Variants in MORC1 observed in about 807,000 individuals in gnomAD.
MORC1 encodes the protein MORC family CW-type zinc finger 1.
MORC1 carries 59 observed loss-of-function variants against 134.9 expected under a neutral mutation model. The ratio of observed to expected loss-of-function variants is 0.44; its 90% CI spans 0.35 to 0.54. MORC1 has a LOEUF of 0.54. Ranked by LOEUF, MORC1 falls within the 20% of genes least tolerant of loss-of-function variation. The probability of loss-of-function intolerance (pLI) is 0.00; values close to 1 mark genes in which losing one functional copy is unlikely to be tolerated. For missense variants in MORC1, 947 were observed against 1,134.5 expected (o/e 0.83, Z 2.37); for synonymous variants, 395 against 391.7 (o/e 1.01, Z -0.10).
intron 26 of MORC1, among the ~76,000 whole-genome samples, chr3:108,966,361 C>T (rs1277299697): frequency 3.3e-5 from 5 of 152,090 alleles, no homozygotes; most frequent in Non-Finnish European, 7.4e-5. Context: ...GTAAGGAAGG[C>T]CTACAACATC....
chr3:109,007,969 A>G lies in MORC1; in HGVS notation c.1705-878T>C, dbSNP rs138479388. ...TGTGTGTGTGTGTGTGTGTGTATAC[A>G]TATATATACAAATTTTTCCCACTTT... On this transcript the variant is annotated intron_variant, in intron 17 of 27. Transcript: ENST00000232603. Among the ~76,000 whole-genome samples the G allele has an allele frequency of 5.5e-3, 752 of 136,132 alleles. 6 individuals are homozygous for G. The highest frequency in any genetic ancestry group is 0.016 in the African/African-American group (608 of 38,974). 89.3% of individuals were successfully genotyped at this position (136,132 alleles called of 152,430 possible).
At chr3:109,096,799 C>A (rs1232709578) in intron 6 of MORC1, among the ~76,000 whole-genome samples, 1 of 152,116 alleles carries the variant, frequency 6.6e-6, no homozygotes, top group Non-Finnish European at 1.5e-5. Context: ...GGTCCAAGAA[C>A]TCTCTCTTGG....
At chr3:108,982,620 A>G (rs2107454926) in intron 23 of MORC1, among the ~76,000 whole-genome samples, 1 of 151,708 alleles carries the variant, frequency 6.6e-6, no homozygotes, top group African/African-American at 2.4e-5. Context: ...TAGGAGAAAT[A>G]CCTAACATAA....
In MORC1 at chr3:109,006,753, C is replaced by G. The variant is rs145279536; in HGVS notation, c.1767+276G>C. 1.1e-3 allele frequency among the ~76,000 whole-genome samples: 163 copies of G among 152,024 alleles called. 2 individuals carry two copies. The highest frequency in any genetic ancestry group is 2.0e-3 in the Admixed American group (30 of 15,266). On this transcript the variant is annotated intron_variant, in intron 18 of 27. Transcript: ENST00000232603. ...AGACAAAAAATATATATGTATATAT[C>G]CCTAGAAAGTATTGGAAAGAAATAC...
chr3:108,988,699 G>A (rs926836987), intron 21 of MORC1, among the ~76,000 whole-genome samples: 1 of 152,084 alleles, frequency 6.6e-6, no homozygotes, highest in Non-Finnish European at 1.5e-5. Flanking sequence ...ATAACAAAAT[G>A]TGTTAATTTT....
intron 1 of MORC1, 66 bp downstream of exon 1, chr3:109,117,929 G>C: frequency 7.4e-7 from 1 of 1,356,378 alleles, no homozygotes; most frequent in East Asian, 2.5e-5. Context: ...TCAGGGGACG[G>C]GCAAAACCTT....
At chr3:108,960,903 T>C (rs1205077927) in intron 27 of MORC1, among the ~76,000 whole-genome samples, 2 of 152,234 alleles carry the variant, frequency 1.3e-5, no homozygotes, top group Non-Finnish European at 2.9e-5. Flanking sequence ...GACTCTTAGA[T>C]CTTTAGAGAT....
chr3:109,070,036 A>T (rs1176969176), intron 8 of MORC1, among the ~76,000 whole-genome samples: 1 of 152,194 alleles, frequency 6.6e-6, no homozygotes, highest in Non-Finnish European at 1.5e-5. Context: ...TTATAACAGC[A>T]ATCTAAAATA....
chr3:109,028,457 GCC>G (rs1949145677), intron 16 of MORC1, among the ~76,000 whole-genome samples: 1 of 152,140 alleles, frequency 6.6e-6, no homozygotes, highest in Non-Finnish European at 1.5e-5. Flanking sequence ...GCAGCATCCT[GCC>G]CAAGTGCTCT....
chr3:109,026,106 A>G (rs1029965677), intron 17 of MORC1, among the ~76,000 whole-genome samples: 1 of 152,168 alleles, frequency 6.6e-6, no homozygotes, highest in African/African-American at 2.4e-5. Context: ...CCACAACCCA[A>G]AGCTTTCCTT....
chr3:109,013,755 G>A (rs548866588), intron 17 of MORC1, among the ~76,000 whole-genome samples: 1 of 152,250 alleles, frequency 6.6e-6, no homozygotes, highest in Non-Finnish European at 1.5e-5. Context: ...AGCATGTACT[G>A]GAAACTTAAT....
intron 16 of MORC1, among the ~76,000 whole-genome samples, chr3:109,031,035 A>G (rs1949229892): frequency 6.6e-6 from 1 of 152,204 alleles, no homozygotes; most frequent in African/African-American, 2.4e-5. Context: ...TTTGAAACCA[A>G]TTTTACAATG....
intron 17 of MORC1, among the ~76,000 whole-genome samples, chr3:109,010,389 A>G (rs1948655553): frequency 6.6e-6 from 1 of 152,066 alleles, no homozygotes. Context: ...CTCTTCATAA[A>G]TCCTTATATT....
At chr3:109,000,221 G>T (rs1057131852) in intron 21 of MORC1, among the ~76,000 whole-genome samples, 1 of 151,994 alleles carries the variant, frequency 6.6e-6, no homozygotes, top group Admixed American at 6.6e-5. Flanking sequence ...CATATTCTTC[G>T]GATTTGGGAA....
intron 17 of MORC1, among the ~76,000 whole-genome samples, chr3:109,015,027 A>G (rs933796103): frequency 1.3e-5 from 2 of 152,110 alleles, no homozygotes; most frequent in Admixed American, 6.6e-5. Context: ...CTGGGGTTAC[A>G]GGCACCTGCC....
chr3:109,097,041 T>C (rs927632178), intron 6 of MORC1, among the ~76,000 whole-genome samples: 4 of 152,058 alleles, frequency 2.6e-5, no homozygotes, highest in Admixed American at 6.6e-5. Flanking sequence ...TATCCCAGAA[T>C]TGAAGAATAT....
At chr3:109,091,753 G>A (rs1322374569) in intron 8 of MORC1, among the ~76,000 whole-genome samples, 3 of 152,018 alleles carry the variant, frequency 2.0e-5, no homozygotes, top group Admixed American at 1.3e-4. Context: ...GTCTTTAAAG[G>A]CTTTTCTTGT....
chr3:108,990,441 A>C (rs983693295), intron 21 of MORC1, among the ~76,000 whole-genome samples: 2 of 151,944 alleles, frequency 1.3e-5, no homozygotes, highest in Non-Finnish European at 2.9e-5. Flanking sequence ...TTGTTGTTTT[A>C]TAGACTTGTT....
intron 26 of MORC1, among the ~76,000 whole-genome samples, chr3:108,966,446 C>A (rs1038185116): frequency 6.6e-6 from 1 of 152,090 alleles, no homozygotes; most frequent in African/African-American, 2.4e-5. Context: ...CAGAAACAAT[C>A]AACTTTGATT....
Sources: gnomAD v4.1 joint callset for allele counts (sites outside exome capture counted in the v4.1 genomes callset) on GRCh38, gnomAD v4.1.1 for gene constraint, MANE v1.5 for transcripts, NCBI Gene and HGNC (gene_info 2026-07-23, HGNC 2026-07-21) for gene names.